NHEJ1: variants seen among roughly 807,000 people sequenced by gnomAD.
NHEJ1 encodes non-homologous end-joining factor 1.
A neutral mutation model predicts 39.4 loss-of-function variants in NHEJ1; 22 were observed. The observed-to-expected ratio is 0.56, with a 90% CI of 0.40 to 0.80. The LOEUF (loss-of-function observed/expected upper bound fraction) is 0.80, where lower values mean the gene tolerates loss of function less well. Among genes scored for constraint, NHEJ1 ranks in the 30% least tolerant of loss-of-function variants. The pLI, the probability that NHEJ1 is intolerant of heterozygous loss-of-function variation, is 0.00. For synonymous variants in NHEJ1, 154 were observed against 135.6 expected (o/e 1.14, Z -0.94); for missense variants, 329 against 357.1 (o/e 0.92, Z 0.63).
intron 5 of NHEJ1, among the ~76,000 whole-genome samples, chr2:219,129,709 A>T (rs1395407650): frequency 6.6e-6 from 1 of 152,250 alleles, no homozygotes; most frequent in Non-Finnish European, 1.5e-5. Context: ...TGTGGTCAAC[A>T]AGAGGCTGCT....
chr2:219,138,146 G>T (rs1043531693), intron 5 of NHEJ1, among the ~76,000 whole-genome samples: 2 of 152,158 alleles, frequency 1.3e-5, no homozygotes, highest in Non-Finnish European at 2.9e-5. Context: ...CATGGTAAAA[G>T]GGTAGCCCTT....
At chr2:219,115,891 G>A (rs1333997598) in intron 5 of NHEJ1, among the ~76,000 whole-genome samples, 1 of 152,164 alleles carries the variant, frequency 6.6e-6, no homozygotes, top group Non-Finnish European at 1.5e-5. Flanking sequence ...GGAGGCCGAG[G>A]CGGGCAGATC....
intron 5 of NHEJ1, among the ~76,000 whole-genome samples, chr2:219,089,813 T>C (rs1949145385): frequency 6.6e-6 from 1 of 152,240 alleles, no homozygotes; most frequent in Admixed American, 6.5e-5. Flanking sequence ...CCCCATCTTT[T>C]TTGCCTATTC....
chr2:219,100,192 G>T (rs1382697380), intron 5 of NHEJ1, among the ~76,000 whole-genome samples: 1 of 152,176 alleles, frequency 6.6e-6, no homozygotes, highest in Non-Finnish European at 1.5e-5. Flanking sequence ...GAACAAAAAG[G>T]ATAGTTTTCT....
At chr2:219,116,851 T>C (rs1457070266) in intron 5 of NHEJ1, among the ~76,000 whole-genome samples, 1 of 152,208 alleles carries the variant, frequency 6.6e-6, no homozygotes, top group Non-Finnish European at 1.5e-5. Context: ...GAATACTTTC[T>C]ACCCCTTGCT....
chr2:219,136,804 T>C (rs983893086), intron 5 of NHEJ1, among the ~76,000 whole-genome samples: 1 of 152,102 alleles, frequency 6.6e-6, no homozygotes, highest in African/African-American at 2.4e-5. Flanking sequence ...GGTTTCGCCA[T>C]GTTGGCCAGG....
chr2:219,077,240 ACT>A lies in NHEJ1; in HGVS notation c.825+4_825+5del, dbSNP rs1306079157. ...AACACCATCCAGGAAGCTGCTCATG[ACT>A]CACCGTGGACTCTTTCTCAGGTGCT... On this transcript the variant is annotated splice_donor_5th_base_variant and intron_variant, in intron 7 of 7. Transcript: ENST00000356853. The A allele has an allele frequency of 8.1e-6, 13 of 1,607,226 alleles. No homozygotes were observed. Among genetic ancestry groups the A allele is most frequent in the Non-Finnish European group, 1.1e-5 (13 of 1,174,086 alleles).
intron 3 of NHEJ1, among the ~76,000 whole-genome samples, 194 bp from the exon 4 acceptor site, chr2:219,147,989 T>A (rs1183504168): frequency 6.6e-6 from 1 of 152,242 alleles, no homozygotes; most frequent in East Asian, 1.9e-4. Context: ...GCTGGTGCAG[T>A]GGCTAACGTC....
intron 1 of NHEJ1, chr2:219,158,740 C>T (rs1949882102): frequency 1.1e-5 from 3 of 281,404 alleles, no homozygotes; most frequent in South Asian, 7.8e-5. Context: ...AAATATGTCA[C>T]TCCTATCCTT....
intron 5 of NHEJ1, among the ~76,000 whole-genome samples, chr2:219,126,765 G>A (rs775888136): frequency 5.3e-5 from 8 of 152,222 alleles, no homozygotes; most frequent in African/African-American, 1.2e-4. Context: ...GAACTCAGAG[G>A]GCCAGGGAGA....
At chr2:219,141,401 A>G (rs1574737913) in intron 5 of NHEJ1, among the ~76,000 whole-genome samples, 5 of 142,944 alleles carry the variant, frequency 3.5e-5, no homozygotes, top group African/African-American at 1.4e-4. Flanking sequence ...GCAGGGGGGG[A>G]GTGGGGGAAA....
rs546896426 is a variant in NHEJ1 at position 219,072,580 on chromosome 2, C to T, written c.*3801G>A. On this transcript the variant is annotated 3_prime_UTR_variant, in exon 8 of 8. Transcript: ENST00000356853. Reference sequence around the variant, plus strand: ...ATTATATTTGTTAATGGTATAATATCCCTGAAGTGATATTTTCTGAGTTAG... The same window carrying T: ...ATTATATTTGTTAATGGTATAATATTCCTGAAGTGATATTTTCTGAGTTAG... Among the ~76,000 whole-genome samples, 13 of 150,262 alleles carry T rather than the reference C, an allele frequency of 8.7e-5. No individual in the cohort carries two copies. In the South Asian group the frequency reaches 2.1e-3, roughly 24 times the overall value.
At chr2:219,084,107 A>G (rs890593537) in intron 5 of NHEJ1, among the ~76,000 whole-genome samples, 1 of 151,330 alleles carries the variant, frequency 6.6e-6, no homozygotes, top group Admixed American at 6.6e-5. Context: ...CCCAGGTTCA[A>G]GCGATTCTCC....
rs1304401381 is a variant in NHEJ1, at chr2:219,111,302, G to A, written c.589-33096C>T. On this transcript the variant is annotated intron_variant, in intron 5 of 7. Transcript: ENST00000356853. The surrounding 1 kb of genome is among the most constrained non-coding windows in gnomAD (Gnocchi z 4.1). ...AGGCAGCTGACAAAATTAGAACCCA[G>A]GTTTCTTGGATAAGGGGTTAACACT... 6.6e-6 allele frequency among the ~76,000 whole-genome samples: 1 copy of A among 152,088 alleles called. No individual in the cohort carries two copies. Among genetic ancestry groups the A allele is most frequent in the Non-Finnish European group, 1.5e-5 (1 of 68,014 alleles).
intron 5 of NHEJ1, among the ~76,000 whole-genome samples, chr2:219,144,707 C>T (rs1431774097): frequency 6.6e-6 from 1 of 152,120 alleles, no homozygotes; most frequent in Non-Finnish European, 1.5e-5. Context: ...GAGAGGTATG[C>T]AGGCACTAGA....
At chr2:219,124,437 C>T (rs1574726606) in intron 5 of NHEJ1, among the ~76,000 whole-genome samples, 1 of 151,874 alleles carries the variant, frequency 6.6e-6, no homozygotes, top group South Asian at 2.1e-4. Context: ...GCCCCTTCTG[C>T]ACACCTCTCA....
chr2:219,086,863 C>T (rs1257188532), intron 5 of NHEJ1, among the ~76,000 whole-genome samples: 1 of 152,150 alleles, frequency 6.6e-6, no homozygotes, highest in Non-Finnish European at 1.5e-5. Flanking sequence ...AGCTGTGACC[C>T]TCTGCTTGCT....
intron 5 of NHEJ1, among the ~76,000 whole-genome samples, chr2:219,123,398 G>T (rs1949489191): frequency 6.6e-6 from 1 of 152,166 alleles, no homozygotes; most frequent in African/African-American, 2.4e-5. Flanking sequence ...GAAGGAGTCA[G>T]AATCTTTTTC....
intron 5 of NHEJ1, among the ~76,000 whole-genome samples, chr2:219,137,081 A>G (rs1193456479): frequency 2.0e-5 from 3 of 151,684 alleles, no homozygotes; most frequent in Non-Finnish European, 4.4e-5. Flanking sequence ...GAAAAAAAAA[A>G]AAAAAAAGAA....
Sources: allele counts gnomAD v4.1 joint callset (sites outside exome capture counted in the v4.1 genomes callset), GRCh38; gene constraint gnomAD v4.1.1; non-coding constraint Gnocchi (gnomAD v3.1); transcripts MANE v1.5; gene names NCBI Gene and HGNC (gene_info 2026-07-23, HGNC 2026-07-21).